Variants in ACAA1 observed in about 807,000 individuals in gnomAD.
ACAA1 encodes the protein acetyl-CoA acyltransferase 1, also known as 3-ketoacyl-CoA thiolase, peroxisomal.
ACAA1 carries 44 observed loss-of-function variants against 48.8 expected under a neutral mutation model. The ratio of observed to expected loss-of-function variants is 0.90; its 90% CI spans 0.71 to 1.16. The LOEUF is 1.16. Among genes scored for constraint, ACAA1 ranks in the 50% most tolerant of loss-of-function variants. ACAA1 has a pLI of 0.00. For synonymous variants in ACAA1, 233 were observed against 226.5 expected (o/e 1.03, Z -0.26); for missense variants, 512 against 562.3 (o/e 0.91, Z 0.90).
intron 2 of ACAA1, chr3:38,135,381 C>T (rs1321958931): frequency 6.6e-6 from 1 of 152,150 alleles, no homozygotes; most frequent in East Asian, 1.9e-4. Context: ...GGACCTACAC[C>T]AGCACTGGTC....
At chr3:38,123,210 G>A in intron 11 of ACAA1, 88 bp from the exon 12 acceptor site, 1 of 1,310,838 alleles carries the variant, frequency 7.6e-7, no homozygotes, top group Non-Finnish European at 1.1e-6. Flanking sequence ...TCATGGACAA[G>A]TAGGATGCAA....
Position 38,122,809 on chromosome 3 carries a change from C to A in ACAA1, c.*238G>T. Reference sequence around the variant, plus strand: ...CCATGGCCTTGTGGCCTGGGTGACCCAGGCTGCTTTTATCTTGCACAGCTA... The same window carrying A: ...CCATGGCCTTGTGGCCTGGGTGACCAAGGCTGCTTTTATCTTGCACAGCTA... On this transcript the variant is annotated 3_prime_UTR_variant, in exon 12 of 12. Transcript: ENST00000333167. 1 of 983,482 alleles carries A rather than the reference C, an allele frequency of 1.0e-6. No homozygotes were observed. Among genetic ancestry groups the A allele is most frequent in the Non-Finnish European group, 1.4e-6 (1 of 693,506 alleles). The allele number at this position is 983,482 out of a possible 1,614,324, so 60.9% of individuals were successfully genotyped here.
Position 38,127,869 on chromosome 3 carries a change from A to G in ACAA1, c.546-3T>C. 5 of 1,614,136 alleles carry G rather than the reference A, an allele frequency of 3.1e-6. No homozygotes were observed. Among genetic ancestry groups the G allele is most frequent in the Non-Finnish European group, 4.2e-6 (5 of 1,179,984 alleles). ...CAGCCACATTCTCAGAGGTTATCCT[A>G]GAACACAAACAGCAGATAGTGTGGG... On this transcript the variant is annotated splice_polypyrimidine_tract_variant and splice_region_variant and intron_variant, in intron 6 of 11. Coordinates refer to ENST00000333167, the MANE Select transcript of ACAA1 (RefSeq NM_001607.4).
chr3:38,130,880 G>A (rs1312613529), intron 5 of ACAA1, among the ~76,000 whole-genome samples: 1 of 152,176 alleles, frequency 6.6e-6, no homozygotes, highest in Admixed American at 6.5e-5. Flanking sequence ...GATGTGAAAG[G>A]CAGCGGAGGC....
Position 38,123,083 on chromosome 3 carries a change from C to CA in ACAA1, c.1238dup (p.Met413IlefsTer8), listed in dbSNP as rs1700572299. The CA allele has an allele frequency of 1.2e-6, 2 of 1,614,126 alleles. No homozygotes were observed. The highest frequency in any genetic ancestry group is 2.7e-5 in the African/African-American group (2 of 74,946). On this transcript the variant is annotated frameshift_variant, in exon 12 of 12. Transcript: ENST00000333167. LOFTEE classifies it high-confidence loss of function. ...GGTATTCAAAGACGGCAGCGGCTCCCATTCCAGTCCCGATGCACATGGACA... is the reference window on the plus strand; with the variant it reads ...GGTATTCAAAGACGGCAGCGGCTCCCAATTCCAGTCCCGATGCACATGGACA...
chr3:38,126,583 G>C lies in ACAA1; in HGVS notation c.744C>G (p.Ile248Met), dbSNP rs752171275. ...RSITVTQDEG[I>M]RPSTTMEGLA... is the part of the protein sequence containing the mutation. The stretch of plus-strand genomic sequence containing the variant: ...GGCCCTCCATGGTGGTGCTGGGGCG[G>C]ATACCCTCATCCTGGGTCACAGTGA... The change falls in exon 8 of 12, where the codon ATC (isoleucine) becomes ATG (methionine). Residue 248 changes from isoleucine (I) to methionine (M), a missense_variant. Transcript: ENST00000333167. The surrounding 1 kb of genome is among the most constrained non-coding windows in gnomAD (Gnocchi z 4.7). 13 of 1,614,052 alleles carry C rather than the reference G, an allele frequency of 8.1e-6. No individual in the cohort carries two copies. The South Asian group carries it at 1.4e-4, about 18-fold the overall frequency.
chr3:38,133,342 T>C (rs1700824743), intron 3 of ACAA1: 1 of 152,278 alleles, frequency 6.6e-6, no homozygotes, highest in Non-Finnish European at 1.5e-5. Flanking sequence ...AACTACAGGC[T>C]GGGCAGTCTA....
chr3:38,133,879 C>A, intron 3 of ACAA1, 73 bp downstream of exon 3: 1 of 1,523,578 alleles, frequency 6.6e-7, no homozygotes, highest in South Asian at 1.1e-5. Flanking sequence ...AACCTGCACA[C>A]TGAGTTTCCT....
In ACAA1 at chr3:38,123,018, T is replaced by C. The variant is rs532199282; in HGVS notation, c.*29A>G. On this transcript the variant is annotated 3_prime_UTR_variant, in exon 12 of 12. Transcript: ENST00000333167. ...TTGCTGCTAGAGCAGCAGGACTGTC[T>C]GCGTAGCGCCTCCAGCCTGGGACCT... 1.1e-5 allele frequency: 18 copies of C among 1,611,996 alleles called. No homozygotes were observed. In the South Asian group the frequency reaches 1.6e-4, roughly 15 times the overall value.
At chr3:38,128,870 C>T (rs1156309913) in intron 6 of ACAA1, among the ~76,000 whole-genome samples, 1 of 152,152 alleles carries the variant, frequency 6.6e-6, no homozygotes, top group Non-Finnish European at 1.5e-5. Flanking sequence ...GGATTACAGG[C>T]ATGAGCCATC....
intron 6 of ACAA1, 50 bp from the exon 7 acceptor site, chr3:38,127,916 G>A (rs1208859287): frequency 1.9e-6 from 3 of 1,586,966 alleles, no homozygotes; most frequent in East Asian, 2.2e-5. Flanking sequence ...CAGCCTAGAG[G>A]AAGGGACCAG....
chr3:38,134,118 G>C (rs1700841472), intron 2 of ACAA1, 109 bp from the exon 3 acceptor site: 3 of 1,096,336 alleles, frequency 2.7e-6, no homozygotes, highest in Non-Finnish European at 2.6e-6. Context: ...CGGGACACTA[G>C]CCCTTGGCAG....
chr3:38,127,662 A>C, intron 7 of ACAA1, 124 bp downstream of exon 7: 3 of 947,040 alleles, frequency 3.2e-6, no homozygotes, highest in Non-Finnish European at 5.0e-6. Flanking sequence ...CCTGGGTGGC[A>C]CAAGGCCTGG....
chr3:38,127,740 C>T (rs756530019), intron 7 of ACAA1, 46 bp downstream of exon 7: 14 of 1,594,128 alleles, frequency 8.8e-6, no homozygotes, highest in Non-Finnish European at 1.1e-5. Flanking sequence ...AGACTCAAAA[C>T]CTCACTCTCC....
chr3:38,126,296 G>C lies in ACAA1; in HGVS notation c.863C>G (p.Ala288Gly). ...VSDGAAAILLARRSKAEELGL... is the reference protein window; with the variant it reads ...VSDGAAAILLGRRSKAEELGL... ...CAACTCTTCTGCCTTGGACCTCCGG[G>C]CCAGCAGGATGGCAGCTGCCCCATC... is the stretch of plus-strand genomic sequence containing the variant. The change falls in exon 9 of 12, where the codon GCC becomes GGC. Residue 288 changes from alanine (A) to glycine (G), a missense_variant. Coordinates refer to ENST00000333167, the MANE Select transcript of ACAA1 (RefSeq NM_001607.4). The surrounding 1 kb of genome is among the most constrained non-coding windows in gnomAD (Gnocchi z 4.7). 1 of 1,614,170 alleles carries C rather than the reference G, an allele frequency of 6.2e-7. No homozygotes were observed. The highest frequency in any genetic ancestry group is 8.5e-7 in the Non-Finnish European group (1 of 1,180,020).
rs563207661 is a variant in ACAA1 at position 38,134,630 on chromosome 3, CAT to C, written c.266-623_266-622del. On this transcript the variant is annotated intron_variant, in intron 2 of 11. Transcript: ENST00000333167. ...AGCCCCAACTCTGTGCTCACAAAAA[CAT>C]GTGCTATATTGAATCAAGGTTTAAG... 52 of 436,926 alleles carry C rather than the reference CAT, an allele frequency of 1.2e-4. No homozygotes were observed. In the East Asian group the frequency reaches 2.9e-3, roughly 24 times the overall value. 27.1% of individuals were successfully genotyped at this position (436,926 alleles called of 1,614,324 possible).
chr3:38,129,170 C>A lies in ACAA1; in HGVS notation c.545+120G>T. 1 of 849,398 alleles carries A rather than the reference C, an allele frequency of 1.2e-6. No individual in the cohort carries two copies. Among genetic ancestry groups the A allele is most frequent in the Non-Finnish European group, 1.9e-6 (1 of 533,870 alleles). The allele number at this position is 849,398 out of a possible 1,614,324, so 52.6% of individuals were successfully genotyped here. On this transcript the variant is annotated intron_variant, in intron 6 of 11. Transcript: ENST00000333167. The surrounding 1 kb of genome is among the most constrained non-coding windows in gnomAD (Gnocchi z 5.3). Reference sequence around the variant, plus strand: ...ATCCCCAAAGTCCCTGCGGAGCAGACCATGCCCAAAGGAAGGAGGCCAAGG... The same window carrying A: ...ATCCCCAAAGTCCCTGCGGAGCAGAACATGCCCAAAGGAAGGAGGCCAAGG...
At chr3:38,130,383 T>A (rs1700762818) in intron 5 of ACAA1, among the ~76,000 whole-genome samples, 1 of 152,218 alleles carries the variant, frequency 6.6e-6, no homozygotes, top group African/African-American at 2.4e-5. Context: ...GAGCTAGGTA[T>A]CCCCATTTTA....
At chr3:38,132,145 C>A (rs1700803309) in intron 3 of ACAA1, 140 bp from the exon 4 acceptor site, 1 of 650,442 alleles carries the variant, frequency 1.5e-6, no homozygotes, top group Non-Finnish European at 2.6e-6. Flanking sequence ...GCTCCCATGC[C>A]AGGCCAGATC....
Sources: allele counts gnomAD v4.1 joint callset (sites outside exome capture counted in the v4.1 genomes callset), GRCh38; gene constraint gnomAD v4.1.1; non-coding constraint Gnocchi (gnomAD v3.1); transcripts MANE v1.5; gene names NCBI Gene and HGNC (gene_info 2026-07-23, HGNC 2026-07-21).